Variants in OGG1 observed in about 807,000 individuals in gnomAD.
The protein encoded by OGG1 is 8-oxoguanine DNA glycosylase.
Under a neutral mutation model 42.3 loss-of-function variants are expected in OGG1, and 35 were observed. The observed-to-expected ratio is 0.83, with a 90% CI of 0.63 to 1.10. OGG1 has a LOEUF of 1.10. OGG1 is among the 50% of genes least tolerant of loss of function. The pLI is 0.00. For synonymous variants in OGG1, 189 were observed against 179.0 expected, an observed-to-expected ratio of 1.06 and a Z score of -0.44; for missense variants, 484 against 446.7, an observed-to-expected ratio of 1.08 and a Z score of -0.75.
intron 7 of OGG1, among the ~76,000 whole-genome samples, chr3:9,764,632 T>G (rs532143728): frequency 4.1e-5 from 6 of 147,212 alleles, no homozygotes; most frequent in East Asian, 2.0e-4. Flanking sequence ...TTTTTTGTTT[T>G]TTTTTTTTTT....
chr3:9,758,500 A>AC (rs2125564196), downstream of OGG1: 1 of 155,116 alleles, frequency 6.4e-6, no homozygotes, highest in East Asian at 1.9e-4. Flanking sequence ...TCCTGGATCA[A>AC]CCACTGTTCT....
intron 1 of OGG1, chr3:9,750,704 C>A: frequency 4.4e-6 from 3 of 686,562 alleles, no homozygotes; most frequent in Non-Finnish European, 7.4e-6. Context: ...CAGAGAGGCC[C>A]ATTCCAGCCT....
At chr3:9,760,563 G>T (rs553868707), downstream of OGG1, 3 of 1,313,436 alleles carry the variant, frequency 2.3e-6, no homozygotes, top group African/African-American at 2.9e-5. Context: ...TGGAAAATCC[G>T]ACAGAAGGAA....
intron 2 of OGG1, among the ~76,000 whole-genome samples, chr3:9,775,233 T>C (rs1575281479): frequency 6.6e-6 from 1 of 151,864 alleles, no homozygotes; most frequent in East Asian, 1.9e-4. Flanking sequence ...AGCAAGACCC[T>C]GTCTCAAAAA....
downstream of OGG1, among the ~76,000 whole-genome samples, chr3:9,770,745 G>A (rs2125603585): frequency 6.6e-6 from 1 of 152,036 alleles, no homozygotes; most frequent in East Asian, 1.9e-4. Context: ...CCAAAGGTCG[G>A]TTTGCTCAAG....
chr3:9,762,960 G>A (rs186994904), intron 7 of OGG1: 5 of 1,614,154 alleles, frequency 3.1e-6, no homozygotes, highest in African/African-American at 1.3e-5. Context: ...GTATTTCACA[G>A]CATCCAGCAC....
chr3:9,759,026 A>AG (rs2125566275), downstream of OGG1: 1 of 693,574 alleles, frequency 1.4e-6, no homozygotes, highest in East Asian at 2.5e-5. Context: ...GTGGCATATG[A>AG]GGCCCTAAGA....
Position 9,756,770 on chromosome 3 carries a change from A to G in OGG1, c.902A>G (p.Asn301Ser), listed in dbSNP as rs1400826115. Residue 301 changes from asparagine to serine, a missense_variant, in exon 6 of 7, where the codon AAC (asparagine) becomes AGC (serine). By Grantham distance (46) the Asn-to-Ser change is conservative. Coordinates refer to ENST00000344629, the MANE Select transcript of OGG1 (RefSeq NM_002542.6). Reference protein sequence around the residue: ...PSPQTNKELGNFFRSLWGPYA... With the variant: ...PSPQTNKELGSFFRSLWGPYA... ...AGTCTCATCACTTCTGATTTAGGAA[A>G]CTTTTTCCGGAGCCTGTGGGGACCT... is the stretch of plus-strand genomic sequence containing the variant. 5 of 1,614,042 alleles carry G rather than the reference A, an allele frequency of 3.1e-6. No individual in the cohort carries two copies. Among genetic ancestry groups the G allele is most frequent in the East Asian group, 4.5e-5 (2 of 44,886 alleles).
chr3:9,790,406 T>TGAC (rs1214669331), downstream of OGG1, among the ~76,000 whole-genome samples: 1 of 152,200 alleles, frequency 6.6e-6, no homozygotes. Context: ...ATTCATCCTT[T>TGAC]TAGGTCCAGT....
chr3:9,765,805 C>G (rs1238271621), intron 7 of OGG1: 2 of 1,613,950 alleles, frequency 1.2e-6, no homozygotes, highest in Admixed American at 1.7e-5. Flanking sequence ...TCCTTGCCCT[C>G]CAGGGCCTCC....
chr3:9,765,946 C>G, exon 8 of OGG1: 9 of 1,614,184 alleles, frequency 5.6e-6, no homozygotes, highest in Non-Finnish European at 7.6e-6. Context: ...TTCCCTCCAG[C>G]CTCTCCTCCA....
downstream of OGG1, chr3:9,789,926 C>T (rs758330255): frequency 6.2e-7 from 1 of 1,610,272 alleles, no homozygotes; most frequent in South Asian, 1.1e-5. Context: ...CTTCAGGAAT[C>T]GTCTGTCACC....
Position 9,751,750 on chromosome 3 carries a change from C to T in OGG1, c.386-20C>T. On this transcript the variant is annotated intron_variant, in intron 2 of 6. Coordinates refer to ENST00000344629, the MANE Select transcript of OGG1 (RefSeq NM_002542.6). Reference sequence around the variant, plus strand: ...CCAACAGCAGGTACCTCTCCTACCCCCTGCATTTCTGGTCTCCAGGTGTGC... The same window carrying T: ...CCAACAGCAGGTACCTCTCCTACCCTCTGCATTTCTGGTCTCCAGGTGTGC... 6.2e-7 allele frequency: 1 copy of T among 1,613,866 alleles called. No individual in the cohort carries two copies. Among genetic ancestry groups the T allele is most frequent in the South Asian group, 1.1e-5 (1 of 91,060 alleles).
chr3:9,757,811 CAT>C, downstream of OGG1: 2 of 1,613,212 alleles, frequency 1.2e-6, no homozygotes, highest in Non-Finnish European at 1.7e-6. The surrounding 1 kb of genome is among the most constrained non-coding windows in gnomAD (Gnocchi z 4.5). Flanking sequence ...GCAGTTTCCT[CAT>C]GTGCCGCACC....
intron 1 of OGG1, 155 bp downstream of exon 1, chr3:9,750,578 A>G (rs774854151): frequency 3.0e-5 from 29 of 962,708 alleles, no homozygotes; most frequent in Non-Finnish European, 4.5e-5. Context: ...GTTACCTTTA[A>G]TATGTCTGTA....
At chr3:9,787,409 A>C in intron 3 of OGG1, 1 of 1,532,866 alleles carries the variant, frequency 6.5e-7, no homozygotes, top group Non-Finnish European at 8.7e-7. Context: ...TCATTCATTC[A>C]CTTACCTATC....
downstream of OGG1, among the ~76,000 whole-genome samples, chr3:9,771,035 C>CT (rs562033005): frequency 1.3e-4 from 19 of 143,212 alleles, no homozygotes; most frequent in Non-Finnish European, 1.7e-4. Context: ...TTTTCTTTTT[C>CT]TTTTTTTTTT....
At chr3:9,783,834 C>A in intron 3 of OGG1, 4 of 1,014,272 alleles carry the variant, frequency 3.9e-6, no homozygotes, top group Non-Finnish European at 4.1e-6. Context: ...GATGCCTGAG[C>A]CCCACTCTGT....
Position 9,784,864 on chromosome 3 carries a change from C to CA in OGG1, c.383-2851dup, listed in dbSNP as rs56673103. ...AAACGACAAGAGCGAGACTCCATCT[C>CA]AAAAAAAAAAAAAGAAAAAGAAAAA... On this transcript the variant is annotated intron_variant, in intron 3 of 3. Transcript: ENST00000426518. Among the ~76,000 whole-genome samples, 115 of 97,234 alleles carry CA rather than the reference C, an allele frequency of 1.2e-3. 1 individual carries two copies. The highest frequency in any genetic ancestry group is 3.1e-3 in the East Asian group (11 of 3,580). The allele number at this position is 97,234 out of a possible 152,430, so 63.8% of individuals were successfully genotyped here. A position where few individuals can be genotyped will look rare whatever the true frequency, so the allele number is the denominator to read the frequency against.
Sources: allele counts gnomAD v4.1 joint callset (sites outside exome capture counted in the v4.1 genomes callset), GRCh38; gene constraint gnomAD v4.1.1; non-coding constraint Gnocchi (gnomAD v3.1); transcripts MANE v1.5; gene names NCBI Gene and HGNC (gene_info 2026-07-23, HGNC 2026-07-21).